The following CNTNAP2 variants were observed in gnomAD, a reference collection of about 807,000 sequenced individuals.
CNTNAP2 encodes the protein contactin associated protein 2, also known as contactin-associated protein-like 2.
In CNTNAP2, 98 loss-of-function variants were observed where a neutral mutation model predicts 155.2. The observed-to-expected ratio is 0.63, with a 90% confidence interval of 0.54 to 0.75. The LOEUF (loss-of-function observed/expected upper bound fraction) is 0.75. Ranked by LOEUF, CNTNAP2 falls within the 30% of genes least tolerant of loss-of-function variation. The pLI is 0.00. For missense variants in CNTNAP2, 1,727 were observed against 1,688.1 expected, an observed-to-expected ratio of 1.02 and a Z score of -0.40; for synonymous variants, 651 against 631.2, an observed-to-expected ratio of 1.03 and a Z score of -0.47.
intron 1 of CNTNAP2, among the ~76,000 whole-genome samples, chr7:146,708,779 G>C (rs1223694920): frequency 2.0e-5 from 3 of 151,032 alleles, no homozygotes; most frequent in Non-Finnish European, 4.4e-5. Context: ...TATTTTTTGT[G>C]GTTTTGCCTT....
At chr7:148,067,771 G>A (rs2116523648) in intron 15 of CNTNAP2, among the ~76,000 whole-genome samples, 1 of 152,282 alleles carries the variant, frequency 6.6e-6, no homozygotes, top group South Asian at 2.1e-4. Flanking sequence ...ACCACTGGGT[G>A]GAGCCAGGAT....
chr7:146,457,311 GT>G (rs1796568474), intron 1 of CNTNAP2, among the ~76,000 whole-genome samples: 1 of 151,590 alleles, frequency 6.6e-6, no homozygotes, highest in Non-Finnish European at 1.5e-5. Flanking sequence ...AGTTATGATT[GT>G]TTTAGAAGCT....
intron 1 of CNTNAP2, among the ~76,000 whole-genome samples, chr7:146,452,601 A>G (rs570169065): frequency 6.6e-6 from 1 of 152,346 alleles, no homozygotes; most frequent in African/African-American, 2.4e-5. Flanking sequence ...CAGATATTCA[A>G]TCGCCTTTAT....
chr7:148,191,336 A>G lies in CNTNAP2; in HGVS notation c.3010+18858A>G, dbSNP rs545252992. On this transcript the variant is annotated intron_variant, in intron 18 of 23. Coordinates refer to ENST00000361727, the MANE Select transcript of CNTNAP2 (RefSeq NM_014141.6). ...GTCCTCTTCTCTTTGTCCTTCTGCC[A>G]TGGGATGTTCAACAAGAAGGCTCTC... Among the ~76,000 whole-genome samples, 27 of 151,466 alleles carry G rather than the reference A, an allele frequency of 1.8e-4. No homozygotes were observed. In the South Asian group the frequency reaches 5.6e-3, roughly 32 times the overall value.
At chr7:146,669,465 T>A (rs1178289431) in intron 1 of CNTNAP2, among the ~76,000 whole-genome samples, 3 of 152,216 alleles carry the variant, frequency 2.0e-5, no homozygotes, top group African/African-American at 7.2e-5. Flanking sequence ...AACTTTGTTA[T>A]AACATCAATT....
chr7:146,893,732 A>G (rs1297621268), intron 3 of CNTNAP2, among the ~76,000 whole-genome samples: 1 of 152,130 alleles, frequency 6.6e-6, no homozygotes, highest in Non-Finnish European at 1.5e-5. Context: ...TCTTCAAGGA[A>G]TCCAGCCATT....
chr7:147,689,445 G>A (rs565949375), intron 13 of CNTNAP2, among the ~76,000 whole-genome samples: 10 of 152,056 alleles, frequency 6.6e-5, no homozygotes, highest in African/African-American at 1.7e-4. Context: ...CACTATGCCC[G>A]GTCTCATAAT....
intron 4 of CNTNAP2, 131 bp from the exon 5 acceptor site, chr7:147,108,016 A>G (rs1390667196): frequency 1.3e-5 from 10 of 786,260 alleles, no homozygotes; most frequent in African/African-American, 3.5e-5. Context: ...GGAATAGAAG[A>G]AAAACAGAGG....
At chr7:146,197,525 G>C (rs541997526) in intron 1 of CNTNAP2, among the ~76,000 whole-genome samples, 1 of 152,070 alleles carries the variant, frequency 6.6e-6, no homozygotes, top group African/African-American at 2.4e-5. Context: ...TTTGTTCCAT[G>C]ATACTATTTT....
intron 13 of CNTNAP2, among the ~76,000 whole-genome samples, chr7:147,783,297 C>T (rs1373779860): frequency 6.6e-6 from 1 of 152,072 alleles, no homozygotes; most frequent in Admixed American, 6.5e-5. Context: ...AGTTTAGTTG[C>T]TATTGTTGTT....
rs575581587 is a variant in CNTNAP2, at chr7:146,929,552, G to A, written c.402+89648G>A. 6.6e-5 allele frequency among the ~76,000 whole-genome samples: 10 copies of A among 152,270 alleles called. No individual in the cohort carries two copies. In the South Asian group the frequency reaches 8.3e-4, roughly 13 times the overall value. ...AGCGCCTCTCCTCCTCCAAAGGCAC[G>A]CAGTTCCTCACCAGCAACGGAACAA... On this transcript the variant is annotated intron_variant, in intron 3 of 23. Coordinates refer to ENST00000361727, the MANE Select transcript of CNTNAP2 (RefSeq NM_014141.6).
In CNTNAP2 at chr7:146,182,028, C is replaced by T. The variant is rs922858090; in HGVS notation, c.97+65055C>T. On this transcript the variant is annotated intron_variant, in intron 1 of 23. Transcript: ENST00000361727. Reference sequence around the variant, plus strand: ...TTTTAATGTCCAGGTTATGTTGAAACTTATTCTAATAATAAAAATAGCTGC... The same window carrying T: ...TTTTAATGTCCAGGTTATGTTGAAATTTATTCTAATAATAAAAATAGCTGC... Among the ~76,000 whole-genome samples, 5 of 152,110 alleles carry T rather than the reference C, an allele frequency of 3.3e-5. No individual in the cohort carries two copies. In the East Asian group the frequency reaches 9.7e-4, roughly 29 times the overall value.
chr7:146,394,745 G>T (rs1032161229), intron 1 of CNTNAP2, among the ~76,000 whole-genome samples: 7 of 152,048 alleles, frequency 4.6e-5, no homozygotes, highest in Admixed American at 1.3e-4. Flanking sequence ...TATGATGTCT[G>T]ATTTCTTTTT....
At chr7:147,893,130 C>A (rs1799720002) in intron 13 of CNTNAP2, among the ~76,000 whole-genome samples, 1 of 152,060 alleles carries the variant, frequency 6.6e-6, no homozygotes, top group African/African-American at 2.4e-5. Context: ...GGTTAGGAAA[C>A]AAAAGAGAAT....
At chr7:148,139,859 T>A (rs1258679633) in intron 16 of CNTNAP2, among the ~76,000 whole-genome samples, 1 of 152,174 alleles carries the variant, frequency 6.6e-6, no homozygotes, top group African/African-American at 2.4e-5. Flanking sequence ...ACTTCTAAGC[T>A]GATGTGATTG....
At chr7:147,932,016 A>G (rs1166994973) in intron 14 of CNTNAP2, among the ~76,000 whole-genome samples, 1 of 151,930 alleles carries the variant, frequency 6.6e-6, no homozygotes, top group Non-Finnish European at 1.5e-5. Flanking sequence ...CTCACAAGTA[A>G]CTGGAACTAC....
At chr7:147,453,507 T>C (rs1797869084) in intron 10 of CNTNAP2, among the ~76,000 whole-genome samples, 1 of 152,220 alleles carries the variant, frequency 6.6e-6, no homozygotes, top group Non-Finnish European at 1.5e-5. Flanking sequence ...TCACAGGAAT[T>C]ATTCAATAAT....
chr7:147,245,637 G>C (rs574544011), intron 8 of CNTNAP2, among the ~76,000 whole-genome samples: 29 of 151,996 alleles, frequency 1.9e-4, no homozygotes, highest in African/African-American at 6.8e-4. Context: ...TTCAAGACCA[G>C]CCTGGCCAAC....
At chr7:146,643,962 G>A (rs1299236292) in intron 1 of CNTNAP2, among the ~76,000 whole-genome samples, 1 of 151,934 alleles carries the variant, frequency 6.6e-6, no homozygotes, top group Non-Finnish European at 1.5e-5. Flanking sequence ...GCTCTCTGTT[G>A]GTCTGTTATT....
Sources: allele counts gnomAD v4.1 joint callset (sites outside exome capture counted in the v4.1 genomes callset), GRCh38; gene constraint gnomAD v4.1.1; transcripts MANE v1.5; gene names NCBI Gene and HGNC (gene_info 2026-07-23, HGNC 2026-07-21).